Variants in MROH9 observed in about 807,000 individuals in gnomAD.
MROH9 encodes maestro heat like repeat family member 9, also known as maestro heat-like repeat-containing protein family member 9.
A neutral mutation model predicts 98.2 loss-of-function variants in MROH9; 92 were observed. That is an observed-to-expected ratio of 0.94 (90% CI 0.79 to 1.11). The LOEUF (loss-of-function observed/expected upper bound fraction) is 1.11, where lower values mean the gene tolerates loss of function less well. Ranked by LOEUF, MROH9 falls within the 50% of genes most tolerant of loss-of-function variation. MROH9 has a pLI of 0.00. For missense variants in MROH9, 1,057 were observed against 1,014.8 expected (o/e 1.04, Z -0.57); for synonymous variants, 397 against 368.9 (o/e 1.08, Z -0.87).
chr1:170,968,895 G>A lies in MROH9; in HGVS notation c.481-2853G>A, dbSNP rs189772993. 7.2e-5 allele frequency among the ~76,000 whole-genome samples: 11 copies of A among 152,302 alleles called. No homozygotes were observed. The East Asian group carries it at 2.1e-3, about 29-fold the overall frequency. On this transcript the variant is annotated intron_variant, in intron 7 of 21. Transcript: ENST00000367759. The stretch of plus-strand genomic sequence containing the variant: ...TTGAATAATTTTATCTAGTCATGGT[G>A]AGACCATATTATTGATTTTCAACTT...
Position 171,060,301 on chromosome 1 carries a change from A to T in MROH9, c.2282-1831A>T, listed in dbSNP as rs985147843. Among the ~76,000 whole-genome samples the T allele has an allele frequency of 5.3e-5, 8 of 152,362 alleles. No individual in the cohort carries two copies. In the South Asian group the frequency reaches 1.7e-3, roughly 32 times the overall value. On this transcript the variant is annotated intron_variant, in intron 20 of 21. Coordinates refer to ENST00000367759, the MANE Select transcript of MROH9 (RefSeq NM_001163629.2). ...AATTTTAAAAGAGTTCCATACAGGG[A>T]TATATTATGCTCATTGATTGAAAGA...
intron 3 of MROH9, among the ~76,000 whole-genome samples, chr1:170,950,958 T>G (rs1649529495): frequency 6.6e-6 from 1 of 152,082 alleles, no homozygotes; most frequent in African/African-American, 2.4e-5. Context: ...CGAATTGGTT[T>G]TCTTTGTCTC....
chr1:171,030,429 C>T (rs1432188181), intron 20 of MROH9, among the ~76,000 whole-genome samples: 1 of 152,110 alleles, frequency 6.6e-6, no homozygotes, highest in Non-Finnish European at 1.5e-5. Flanking sequence ...GCATTTAGTG[C>T]TATAAATTTC....
chr1:170,958,465 A>G lies in MROH9; in HGVS notation c.77A>G (p.His26Arg), dbSNP rs1235467989. 1 of 1,567,490 alleles carries G rather than the reference A, an allele frequency of 6.4e-7. No homozygotes were observed. Among genetic ancestry groups the G allele is most frequent in the Non-Finnish European group, 8.7e-7 (1 of 1,149,658 alleles). Residue 26 changes from histidine (H) to arginine (R), a missense_variant, in exon 4 of 22, where the codon CAT becomes CGT. Physicochemically the swap from His to Arg is conservative, Grantham distance 29. Coordinates refer to ENST00000367759, the MANE Select transcript of MROH9 (RefSeq NM_001163629.2). ...QDSVKWHHMAHKVNSLLDAYS... is the reference protein window; with the variant it reads ...QDSVKWHHMARKVNSLLDAYS... ...TTTTTTTAACATGGTACTTAGGCAC[A>G]TAAAGTTAACAGCCTATTGGATGCA... is the stretch of plus-strand genomic sequence containing the variant.
At chr1:170,996,666 T>C in intron 14 of MROH9, 22 bp downstream of exon 14, 1 of 1,612,296 alleles carries the variant, frequency 6.2e-7, no homozygotes, top group Non-Finnish European at 8.5e-7. Flanking sequence ...GGTCTCTGTG[T>C]AGGATTCTTG....
chr1:171,010,306 T>C (rs1254511557), intron 15 of MROH9, among the ~76,000 whole-genome samples: 2 of 152,228 alleles, frequency 1.3e-5, no homozygotes, highest in African/African-American at 4.8e-5. Flanking sequence ...ATGGTGTATA[T>C]GTGCCACATT....
intron 15 of MROH9, among the ~76,000 whole-genome samples, chr1:171,011,634 G>A (rs1193548090): frequency 6.6e-6 from 1 of 152,108 alleles, no homozygotes; most frequent in Non-Finnish European, 1.5e-5. Context: ...GCCAGGGTCT[G>A]CCATTGGAAA....
Position 170,990,022 on chromosome 1 carries a change from C to G in MROH9, c.1028+19C>G. 3 of 1,596,204 alleles carry G rather than the reference C, an allele frequency of 1.9e-6. No homozygotes were observed. Among genetic ancestry groups the G allele is most frequent in the Non-Finnish European group, 2.6e-6 (3 of 1,167,338 alleles). On this transcript the variant is annotated intron_variant, in intron 11 of 21. Coordinates refer to ENST00000367759, the MANE Select transcript of MROH9 (RefSeq NM_001163629.2). ...CAGACGAGTAAGGCCCCCCAACCCT[C>G]TGTCCCTTCCACAAGGGCTTGTTCA...
At chr1:170,974,404 A>G (rs1431753024) in intron 8 of MROH9, among the ~76,000 whole-genome samples, 1 of 152,126 alleles carries the variant, frequency 6.6e-6, no homozygotes, top group East Asian at 1.9e-4. Flanking sequence ...AAAAAATCTT[A>G]AAAGGAGCCA....
chr1:170,940,304 C>CA (rs1373013461), intron 1 of MROH9, among the ~76,000 whole-genome samples: 1 of 152,216 alleles, frequency 6.6e-6, no homozygotes, highest in Admixed American at 6.5e-5. Flanking sequence ...CTCTGGCACA[C>CA]AGGTGTCCTG....
At chr1:170,946,892 T>C (rs1181138251) in intron 2 of MROH9, among the ~76,000 whole-genome samples, 4 of 152,020 alleles carry the variant, frequency 2.6e-5, no homozygotes, top group Admixed American at 1.3e-4. Flanking sequence ...AAGCCCCTTA[T>C]ACTGTTTCCT....
chr1:171,036,290 T>C (rs1653096143), intron 20 of MROH9, among the ~76,000 whole-genome samples: 1 of 152,130 alleles, frequency 6.6e-6, no homozygotes, highest in South Asian at 2.1e-4. Flanking sequence ...TTAGATGTGG[T>C]CACTGTGTGA....
chr1:170,969,613 C>T (rs1650362528), intron 7 of MROH9, among the ~76,000 whole-genome samples: 1 of 152,030 alleles, frequency 6.6e-6, no homozygotes, highest in Non-Finnish European at 1.5e-5. Flanking sequence ...CCAGAAGAAG[C>T]AGCTGAAAAC....
intron 15 of MROH9, among the ~76,000 whole-genome samples, chr1:171,006,347 C>G (rs1231088803): frequency 6.6e-6 from 1 of 152,142 alleles, no homozygotes; most frequent in Non-Finnish European, 1.5e-5. Flanking sequence ...TGCTTTCAAG[C>G]TTATCTCTTT....
intron 8 of MROH9, among the ~76,000 whole-genome samples, chr1:170,978,588 C>T (rs997954849): frequency 6.6e-6 from 1 of 152,072 alleles, no homozygotes; most frequent in African/African-American, 2.4e-5. Context: ...TTGTTCCTTC[C>T]CCTAGCCCAA....
intron 20 of MROH9, among the ~76,000 whole-genome samples, chr1:171,032,892 G>A (rs1308682944): frequency 6.6e-6 from 1 of 152,236 alleles, no homozygotes; most frequent in Non-Finnish European, 1.5e-5. Flanking sequence ...TAAATCTGCT[G>A]GTCTGCAGAG....
At chr1:171,015,023 A>G (rs1354012607) in intron 16 of MROH9, 2 of 471,762 alleles carry the variant, frequency 4.2e-6, no homozygotes, top group African/African-American at 4.0e-5. Flanking sequence ...GACTGAATTT[A>G]AGCACGTTCC....
At chr1:170,975,691 TC>T (rs556844326) in intron 8 of MROH9, among the ~76,000 whole-genome samples, 28 of 151,772 alleles carry the variant, frequency 1.8e-4, no homozygotes, top group Non-Finnish European at 3.5e-4. Flanking sequence ...CTTTTTTGCC[TC>T]AATGATCTAA....
intron 8 of MROH9, among the ~76,000 whole-genome samples, chr1:170,979,235 G>C (rs1650832469): frequency 1.3e-5 from 2 of 152,144 alleles, no homozygotes; most frequent in South Asian, 4.1e-4. Flanking sequence ...AGTATCTTTT[G>C]AGGTTATGTC....
Sources: allele counts gnomAD v4.1 joint callset (sites outside exome capture counted in the v4.1 genomes callset), GRCh38; gene constraint gnomAD v4.1.1; transcripts MANE v1.5; gene names NCBI Gene and HGNC (gene_info 2026-07-23, HGNC 2026-07-21).